Variants in CALD1 observed in about 807,000 individuals in gnomAD.
The protein encoded by CALD1 is caldesmon.
In CALD1, 33 loss-of-function variants were observed where a neutral mutation model predicts 99.9. The ratio of observed to expected loss-of-function variants is 0.33; its 90% CI spans 0.25 to 0.44. CALD1 has a LOEUF of 0.44. CALD1 is among the 20% of genes least tolerant of loss of function. The probability of loss-of-function intolerance (pLI) is 1.00; values close to 1 mark genes in which losing one functional copy is unlikely to be tolerated. For synonymous variants in CALD1, 310 were observed against 325.0 expected (o/e 0.95, Z 0.50); for missense variants, 861 against 962.1 (o/e 0.89, Z 1.39).
At chr7:134,909,663 C>A (rs1373451753) in intron 3 of CALD1, among the ~76,000 whole-genome samples, 1 of 152,022 alleles carries the variant, frequency 6.6e-6, no homozygotes, top group Non-Finnish European at 1.5e-5. Context: ...AGCCTGGGAG[C>A]CTGGGTGACA....
At chr7:134,812,774 A>G (rs1364782860) in intron 1 of CALD1, among the ~76,000 whole-genome samples, 1 of 152,180 alleles carries the variant, frequency 6.6e-6, no homozygotes, top group African/African-American at 2.4e-5. Context: ...AAGCAGTTGG[A>G]TATACAAGTC....
chr7:134,845,875 T>C (rs1181176234), intron 2 of CALD1, among the ~76,000 whole-genome samples: 2 of 152,212 alleles, frequency 1.3e-5, no homozygotes, highest in Admixed American at 6.5e-5. Context: ...TGTGAGAACA[T>C]GTAGATGAGC....
chr7:134,767,197 G>C (rs111491329), intron 1 of CALD1, among the ~76,000 whole-genome samples: 75 of 41,200 alleles, frequency 1.8e-3, no homozygotes, highest in Admixed American at 7.5e-3. Flanking sequence ...CTCTGTCTCT[G>C]TGTGTGTGTG....
In CALD1 at chr7:134,874,173, C is replaced by A. The variant is rs549947453; in HGVS notation, c.71+6369C>A. Among the ~76,000 whole-genome samples the A allele has an allele frequency of 1.4e-4, 22 of 151,802 alleles. No individual in the cohort carries two copies. The South Asian group carries it at 4.6e-3, about 32-fold the overall frequency. On this transcript the variant is annotated intron_variant, in intron 3 of 14. Coordinates refer to ENST00000361675, the MANE Select transcript of CALD1 (RefSeq NM_033138.4). ...GAGCTGTGGTGTATTTTCTTTTTTT[C>A]TTTTTTTCTTTTTTTTTGTTTTCAT... is the stretch of plus-strand genomic sequence containing the variant.
intron 2 of CALD1, among the ~76,000 whole-genome samples, chr7:134,863,392 A>G (rs1317580770): frequency 6.6e-6 from 1 of 152,236 alleles, no homozygotes; most frequent in East Asian, 1.9e-4. Flanking sequence ...GCATTCCAAG[A>G]TCAATACTGG....
the CALD1 span, among the ~76,000 whole-genome samples, chr7:134,737,128 A>C: frequency 6.6e-6 from 1 of 152,086 alleles, no homozygotes; most frequent in African/African-American, 2.4e-5. Context: ...TGGTAACTAC[A>C]TATATACTTG....
chr7:134,801,676 G>A (rs147668483), intron 1 of CALD1, among the ~76,000 whole-genome samples: 36 of 152,162 alleles, frequency 2.4e-4, no homozygotes, highest in Admixed American at 5.9e-4. Flanking sequence ...CTCCAGTGCC[G>A]TAGCACAGCC....
At chr7:134,801,242 AT>A (rs1240484501) in intron 1 of CALD1, among the ~76,000 whole-genome samples, 26 of 152,158 alleles carry the variant, frequency 1.7e-4, no homozygotes, top group Non-Finnish European at 3.5e-4. Context: ...TATAAACTTT[AT>A]TTTCCCTCAA....
intron 1 of CALD1, among the ~76,000 whole-genome samples, chr7:134,821,613 C>T (rs1385543024): frequency 6.1e-5 from 5 of 82,174 alleles, no homozygotes; most frequent in African/African-American, 8.5e-5. Context: ...GACAGAGTCT[C>T]GCTCCGTCAC....
intron 3 of CALD1, among the ~76,000 whole-genome samples, chr7:134,892,027 C>G (rs909631160): frequency 6.6e-6 from 1 of 152,130 alleles, no homozygotes; most frequent in African/African-American, 2.4e-5. Flanking sequence ...AGACCTTAGC[C>G]CTCCGTTCAG....
At position 134,965,347 on chromosome 7, in the gene CALD1, G is replaced by C. The variant is rs1183017187; in HGVS notation, c.2337G>C (p.Trp779Cys). The C allele has an allele frequency of 1.3e-6, 2 of 1,594,576 alleles. No individual in the cohort carries two copies. Residue 779 changes from tryptophan (W) to cysteine (C), a missense_variant, in exon 14 of 15, where the codon TGG becomes TGC. Physicochemically the swap from Trp to Cys is radical, Grantham distance 215. This residue lies in a region of CALD1 where 190 missense variants were observed against 249.0 expected (regional missense o/e 0.76). Transcript: ENST00000361675. ...PGDVSSKRNL[W>C]EKQSVDKVTS... ...ACGTATCCAGCAAGCGGAACCTCTG[G>C]GAAAAGCAATCTGTGGATAAGGTCA...
chr7:134,962,764 A>G, intron 13 of CALD1: 1 of 449,760 alleles, frequency 2.2e-6, no homozygotes, highest in South Asian at 1.6e-5. Flanking sequence ...GAAATTAAAA[A>G]GCTAATTTGT....
upstream of CALD1, among the ~76,000 whole-genome samples, chr7:134,743,912 A>G (rs1796611473): frequency 6.6e-6 from 1 of 152,234 alleles, no homozygotes; most frequent in South Asian, 2.1e-4. Context: ...CTATTTTAGT[A>G]TGATCCTCAA....
the CALD1 span, among the ~76,000 whole-genome samples, chr7:134,734,073 A>C: frequency 6.6e-6 from 1 of 152,064 alleles, no homozygotes; most frequent in African/African-American, 2.4e-5. Flanking sequence ...AGAGCCTTAC[A>C]GAGGTGAAGC....
At chr7:134,779,236 C>T (rs78811438), upstream of CALD1, among the ~76,000 whole-genome samples, 462 of 152,196 alleles carry the variant, frequency 3.0e-3, 2 homozygotes, top group African/African-American at 0.011. Flanking sequence ...CTTTTTATTG[C>T]TGCATTTGTG....
intron 1 of CALD1, among the ~76,000 whole-genome samples, chr7:134,811,515 T>G (rs1798353965): frequency 6.6e-6 from 1 of 152,252 alleles, no homozygotes; most frequent in South Asian, 2.1e-4. Context: ...CAGAATCTTC[T>G]GTTTAGCTCT....
chr7:134,840,113 C>T (rs1799594517), intron 1 of CALD1, among the ~76,000 whole-genome samples: 1 of 152,094 alleles, frequency 6.6e-6, no homozygotes, highest in South Asian at 2.1e-4. Flanking sequence ...TTTACAAAAT[C>T]TTTGCCTATC....
At chr7:134,767,236 A>G (rs1796835374) in intron 1 of CALD1, among the ~76,000 whole-genome samples, 1 of 151,810 alleles carries the variant, frequency 6.6e-6, no homozygotes, top group Non-Finnish European at 1.5e-5. Context: ...CGTGTGTGAC[A>G]TAAATCCATC....
chr7:134,726,943 G>A, the CALD1 span, among the ~76,000 whole-genome samples: 1 of 152,156 alleles, frequency 6.6e-6, no homozygotes, highest in African/African-American at 2.4e-5. Context: ...GTTGTCACTA[G>A]AAAGTCCACA....
Sources: allele counts gnomAD v4.1 joint callset (sites outside exome capture counted in the v4.1 genomes callset), GRCh38; gene constraint gnomAD v4.1.1; regional missense constraint gnomAD v4.1.1; transcripts MANE v1.5; gene names NCBI Gene and HGNC (gene_info 2026-07-23, HGNC 2026-07-21).